Variants in TWIST2 observed in about 807,000 individuals in gnomAD.
TWIST2 encodes the protein twist-related protein 2.
TWIST2 carries 1 observed loss-of-function variant against 11.6 expected under a neutral mutation model. That is an observed-to-expected ratio of 0.09 (90% CI 0.03 to 0.41). The LOEUF is 0.41. Among genes scored for constraint, TWIST2 ranks in the 10% least tolerant of loss-of-function variants. The pLI is 0.98. For synonymous variants in TWIST2, 87 were observed against 96.6 expected, an observed-to-expected ratio of 0.90 and a Z score of 0.58; for missense variants, 168 against 226.4, an observed-to-expected ratio of 0.74 and a Z score of 1.66.
intron 1 of TWIST2, among the ~76,000 whole-genome samples, chr2:238,860,998 C>G (rs929667526): frequency 2.0e-5 from 3 of 152,186 alleles, no homozygotes; most frequent in African/African-American, 7.2e-5. Flanking sequence ...CATTCCCAGT[C>G]CCATTGCTGA....
chr2:238,900,099 G>A (rs911306851), intron 1 of TWIST2, among the ~76,000 whole-genome samples: 2 of 152,166 alleles, frequency 1.3e-5, no homozygotes, highest in Non-Finnish European at 2.9e-5. Context: ...TAAAACAAGC[G>A]GGTTTGTTAT....
Position 238,848,709 on chromosome 2 carries a change from C to G in TWIST2, c.*11C>G. 1 of 1,498,724 alleles carries G rather than the reference C, an allele frequency of 6.7e-7. No homozygotes were observed. The highest frequency in any genetic ancestry group is 8.9e-7 in the Non-Finnish European group (1 of 1,125,176). 92.8% of individuals were successfully genotyped at this position (1,498,724 alleles called of 1,614,324 possible). On this transcript the variant is annotated 3_prime_UTR_variant, in exon 1 of 2. Transcript: ENST00000612363. ...TCCGCCTCCCACTAGCGCCGCGCCA[C>G]CCACCTCCGGACCGGCGCGCCAGGG...
chr2:238,856,938 C>A (rs145549644), intron 1 of TWIST2, among the ~76,000 whole-genome samples: 98 of 152,274 alleles, frequency 6.4e-4, no homozygotes, highest in African/African-American at 2.3e-3. Flanking sequence ...TCCCAGGCAT[C>A]AACACTGCCC....
chr2:238,899,493 T>C (rs1414051744), intron 1 of TWIST2, among the ~76,000 whole-genome samples: 1 of 152,060 alleles, frequency 6.6e-6, no homozygotes, highest in Non-Finnish European at 1.5e-5. Context: ...GCTGGACAGG[T>C]TAATCCACTC....
intron 1 of TWIST2, among the ~76,000 whole-genome samples, chr2:238,897,994 C>T (rs1420601015): frequency 6.6e-6 from 1 of 152,222 alleles, no homozygotes; most frequent in South Asian, 2.1e-4. Context: ...GGGCTGGACT[C>T]GGCCTGGGTG....
rs1410759003 is a variant in TWIST2, at chr2:238,864,122, G to A, written c.*35+15389G>A. On this transcript the variant is annotated intron_variant, in intron 1 of 1. Transcript: ENST00000612363. The surrounding 1 kb of genome is among the most constrained non-coding windows in gnomAD (Gnocchi z 4.7). ...GCAAATTCTGGGACCACCTTTGCCA[G>A]ATGACCAAATCCTTTTCGGAGAGAT... Among the ~76,000 whole-genome samples the A allele has an allele frequency of 6.6e-6, 1 of 152,120 alleles. No homozygotes were observed. Among genetic ancestry groups the A allele is most frequent in the Non-Finnish European group, 1.5e-5 (1 of 68,022 alleles).
intron 1 of TWIST2, among the ~76,000 whole-genome samples, chr2:238,883,230 G>A (rs4129104): frequency 0.28 from 42,432 of 151,902 alleles, 6,905 homozygotes; most frequent in Non-Finnish European, 0.37. Context: ...GGCTGGTGAC[G>A]GTTCCTCCCC....
At chr2:238,856,699 C>T (rs1692333748) in intron 1 of TWIST2, among the ~76,000 whole-genome samples, 1 of 152,152 alleles carries the variant, frequency 6.6e-6, no homozygotes, top group South Asian at 2.1e-4. Context: ...GGCCGTGTGC[C>T]TCTCTCTGCT....
intron 1 of TWIST2, among the ~76,000 whole-genome samples, chr2:238,899,039 G>A (rs961975567): frequency 1.3e-4 from 20 of 152,244 alleles, no homozygotes; most frequent in Non-Finnish European, 1.9e-4. Flanking sequence ...GCTGCCCTCC[G>A]GCGTCTGACC....
intron 1 of TWIST2, among the ~76,000 whole-genome samples, chr2:238,885,548 T>C (rs771461010): frequency 5.3e-5 from 8 of 152,030 alleles, no homozygotes; most frequent in Non-Finnish European, 7.4e-5. Context: ...CAGTGTCTTG[T>C]GGGTGTTTGG....
intron 1 of TWIST2, among the ~76,000 whole-genome samples, chr2:238,869,657 C>T (rs141682970): frequency 0.011 from 1,728 of 152,356 alleles, 14 homozygotes; most frequent in South Asian, 0.02. Flanking sequence ...GGTACCAGCT[C>T]ACACCTATGA....
intron 1 of TWIST2, chr2:238,886,917 C>T (rs1265309102): frequency 1.3e-5 from 2 of 152,200 alleles, no homozygotes; most frequent in African/African-American, 2.4e-5. Context: ...TAAGAACATG[C>T]TTGAATCATT....
intron 1 of TWIST2, among the ~76,000 whole-genome samples, chr2:238,881,716 G>C (rs1258715283): frequency 6.6e-6 from 1 of 152,134 alleles, no homozygotes; most frequent in Non-Finnish European, 1.5e-5. Context: ...GGCCCCTCTT[G>C]AGCGTCTCTC....
chr2:238,873,160 G>A (rs890343176), intron 1 of TWIST2, among the ~76,000 whole-genome samples: 1 of 152,268 alleles, frequency 6.6e-6, no homozygotes, highest in South Asian at 2.1e-4. Flanking sequence ...CAGACCAAGG[G>A]GTGGCACTTT....
At chr2:238,879,387 T>A (rs1343079559) in intron 1 of TWIST2, among the ~76,000 whole-genome samples, 2 of 152,182 alleles carry the variant, frequency 1.3e-5, no homozygotes, top group African/African-American at 4.8e-5. Context: ...TTATTAATAG[T>A]GCCCCTTTCA....
chr2:238,870,168 C>T (rs1424985195), intron 1 of TWIST2, among the ~76,000 whole-genome samples: 1 of 33,396 alleles, frequency 3.0e-5, no homozygotes, highest in Non-Finnish European at 6.1e-5. Context: ...CCACACACAC[C>T]ACACACCCCA....
At chr2:238,870,534 C>CCACGCACACA (rs1692654890) in intron 1 of TWIST2, among the ~76,000 whole-genome samples, 1 of 105,948 alleles carries the variant, frequency 9.4e-6, no homozygotes, top group Non-Finnish European at 1.9e-5. Context: ...ACCACACACC[C>CCACGCACACA]TACATACCCC....
chr2:238,849,377 C>A (rs528624951), intron 1 of TWIST2, among the ~76,000 whole-genome samples: 1 of 152,302 alleles, frequency 6.6e-6, no homozygotes, highest in Admixed American at 6.5e-5. Flanking sequence ...GCTTCGGGGC[C>A]AGAGCAGCCA....
intron 1 of TWIST2, among the ~76,000 whole-genome samples, chr2:238,874,102 A>T (rs1273223422): frequency 1.3e-5 from 2 of 152,120 alleles, no homozygotes; most frequent in African/African-American, 4.8e-5. Flanking sequence ...GATGGAGGGG[A>T]TGGCGATTGT....
Sources: gnomAD v4.1 joint callset for allele counts (sites outside exome capture counted in the v4.1 genomes callset) on GRCh38, gnomAD v4.1.1 for gene constraint, Gnocchi (gnomAD v3.1) non-coding constraint, MANE v1.5 for transcripts, NCBI Gene and HGNC (gene_info 2026-07-23, HGNC 2026-07-21) for gene names.